Variants in FMN2 observed in about 807,000 individuals in gnomAD.
FMN2 encodes formin 2.
A neutral mutation model predicts 142.3 loss-of-function variants in FMN2; 51 were observed. The observed-to-expected ratio is 0.36, with a 90% CI of 0.29 to 0.45. The LOEUF (loss-of-function observed/expected upper bound fraction) is 0.45. Ranked by LOEUF, FMN2 falls within the 20% of genes least tolerant of loss-of-function variation. FMN2 has a pLI of 1.00. For missense variants in FMN2, 1,936 were observed against 2,122.8 expected, an observed-to-expected ratio of 0.91 and a Z score of 1.73; for synonymous variants, 882 against 869.8, an observed-to-expected ratio of 1.01 and a Z score of -0.25.
chr1:240,163,953 G>A (rs1664380638), intron 2 of FMN2, among the ~76,000 whole-genome samples: 2 of 152,062 alleles, frequency 1.3e-5, no homozygotes, highest in South Asian at 2.1e-4. Context: ...GCTCACTGCA[G>A]CCTTGAACTC....
At chr1:240,255,297 GTTC>G (rs773714632) in intron 6 of FMN2, among the ~76,000 whole-genome samples, 3 of 152,038 alleles carry the variant, frequency 2.0e-5, no homozygotes, top group Non-Finnish European at 4.4e-5. Context: ...CACTATTTCA[GTTC>G]TTGTTTGTGG....
chr1:240,414,396 GGT>G (rs1207104204), intron 15 of FMN2, among the ~76,000 whole-genome samples: 1 of 152,170 alleles, frequency 6.6e-6, no homozygotes, highest in Non-Finnish European at 1.5e-5. Flanking sequence ...TGTGGAGTGC[GGT>G]AGCACAGAGC....
intron 13 of FMN2, among the ~76,000 whole-genome samples, chr1:240,351,047 A>T (rs377652942): frequency 6.6e-6 from 1 of 152,170 alleles, no homozygotes; most frequent in Admixed American, 6.5e-5. Context: ...GTAAATGGAG[A>T]CTGTCTCATA....
intron 14 of FMN2, among the ~76,000 whole-genome samples, chr1:240,384,186 C>G (rs1438250618): frequency 6.6e-6 from 1 of 151,864 alleles, no homozygotes; most frequent in African/African-American, 2.4e-5. Context: ...CAAAAAACTA[C>G]CTATTGAGTA....
At position 240,473,291 on chromosome 1, in the gene FMN2, A is replaced by C. The variant is rs2103251652; in HGVS notation, c.5143-837A>C. Among the ~76,000 whole-genome samples, 1 of 151,846 alleles carries C rather than the reference A, an allele frequency of 6.6e-6. No homozygotes were observed. Among genetic ancestry groups the C allele is most frequent in the East Asian group, 1.9e-4 (1 of 5,136 alleles). ...GCTCATTTAAGTTTCCTGCTTGCCC[A>C]CTCCCCGCTTTAAAACAAAATGCCA... On this transcript the variant is annotated intron_variant, in intron 17 of 17. Coordinates refer to ENST00000319653, the MANE Select transcript of FMN2 (RefSeq NM_020066.5). The surrounding 1 kb of genome is among the most constrained non-coding windows in gnomAD (Gnocchi z 4.3).
intron 2 of FMN2, among the ~76,000 whole-genome samples, chr1:240,168,535 C>T (rs1664573446): frequency 6.6e-6 from 1 of 152,134 alleles, no homozygotes; most frequent in South Asian, 2.1e-4. Flanking sequence ...GCTACAGTGA[C>T]CTGTGATCAC....
chr1:240,243,427 A>G (rs930244618), intron 6 of FMN2, among the ~76,000 whole-genome samples: 9 of 152,194 alleles, frequency 5.9e-5, no homozygotes, highest in South Asian at 2.1e-4. Context: ...TAAATTCCCA[A>G]GGGGCAGGAG....
chr1:240,142,839 A>G, intron 2 of FMN2: 4 of 1,587,344 alleles, frequency 2.5e-6, no homozygotes, highest in East Asian at 4.5e-5. Context: ...CTGGCCCACC[A>G]CATCCACTGC....
chr1:240,330,855 T>G, intron 11 of FMN2, 106 bp downstream of exon 11: 1 of 1,332,514 alleles, frequency 7.5e-7, no homozygotes, highest in Non-Finnish European at 1.0e-6. Context: ...TGTTCCTAGG[T>G]CAAATGCTTC....
intron 1 of FMN2, among the ~76,000 whole-genome samples, chr1:240,098,246 C>A (rs550920861): frequency 6.6e-6 from 1 of 151,708 alleles, no homozygotes; most frequent in African/African-American, 2.4e-5. Context: ...GGATTATAGG[C>A]GCCCATGACC....
intron 6 of FMN2, chr1:240,245,194 C>CA (rs1263320744): frequency 7.4e-6 from 2 of 269,144 alleles, no homozygotes; most frequent in Non-Finnish European, 1.5e-5. Flanking sequence ...ACTGAATAGT[C>CA]AGAGTTTGTC....
intron 16 of FMN2, among the ~76,000 whole-genome samples, chr1:240,468,833 G>A (rs568323815): frequency 6.6e-5 from 10 of 152,234 alleles, no homozygotes; most frequent in Non-Finnish European, 1.3e-4. Context: ...TAGGAAGATC[G>A]AATGTTGGCA....
intron 8 of FMN2, among the ~76,000 whole-genome samples, chr1:240,296,353 T>G (rs1157887361): frequency 2.0e-5 from 3 of 150,132 alleles, no homozygotes; most frequent in Non-Finnish European, 4.4e-5. Flanking sequence ...CAAGTAGTAA[T>G]AAAGCAGGTT....
At position 240,092,869 on chromosome 1, in the gene FMN2, C is replaced by T. The variant is rs763166094; in HGVS notation, c.760C>T (p.Leu254=). The change falls in exon 1 of 18, where the codon CTG becomes TTG. Residue 254 remains leucine (L), a synonymous_variant. Transcript: ENST00000319653. ...CTTCCTGGGCCTGGACCGGTTCCTGCTGGGGCCGAGCGGCGGGGCTGGGGA... is the reference window on the plus strand; with the variant it reads ...CTTCCTGGGCCTGGACCGGTTCCTGTTGGGGCCGAGCGGCGGGGCTGGGGA... ...GAFLGLDRFL[L]GPSGGAGEAP... The T allele has an allele frequency of 7.2e-6, 11 of 1,534,882 alleles. No individual in the cohort carries two copies. Among genetic ancestry groups the T allele is most frequent in the Non-Finnish European group, 9.6e-6 (11 of 1,145,080 alleles).
At chr1:240,359,377 T>C (rs1366773232) in intron 14 of FMN2, among the ~76,000 whole-genome samples, 2 of 152,198 alleles carry the variant, frequency 1.3e-5, no homozygotes, top group African/African-American at 4.8e-5. Context: ...GCAAGGTCTT[T>C]TTTAATGTGC....
chr1:240,427,885 G>GTGT lies in FMN2; in HGVS notation c.4911-10176_4911-10175insTGT, dbSNP rs1242843417. 5.4e-4 allele frequency among the ~76,000 whole-genome samples: 82 copies of GTGT among 152,322 alleles called. 1 individual carries two copies. The South Asian group carries it at 0.015, about 28-fold the overall frequency. ...GTTGTCCATTTTTGTGATGTCACCAGCCTTTGGGAATCAGTGTCTATATGT... is the reference window on the plus strand; with the variant it reads ...GTTGTCCATTTTTGTGATGTCACCAGTGTCCTTTGGGAATCAGTGTCTATATGT... On this transcript the variant is annotated intron_variant, in intron 15 of 17. Coordinates refer to ENST00000319653, the MANE Select transcript of FMN2 (RefSeq NM_020066.5).
intron 2 of FMN2, among the ~76,000 whole-genome samples, chr1:240,141,919 T>C (rs1663201767): frequency 6.6e-6 from 1 of 152,140 alleles, no homozygotes; most frequent in South Asian, 2.1e-4. Flanking sequence ...GGGAACCAGA[T>C]GCTCAAAGCC....
intron 7 of FMN2, among the ~76,000 whole-genome samples, chr1:240,275,073 T>C (rs1295997688): frequency 1.8e-5 from 2 of 112,672 alleles, no homozygotes; most frequent in Admixed American, 1.0e-4. Context: ...GGTGTTCTTT[T>C]TTTTAAGTTT....
At chr1:240,372,594 T>C (rs1672906565) in intron 14 of FMN2, among the ~76,000 whole-genome samples, 1 of 150,886 alleles carries the variant, frequency 6.6e-6, no homozygotes, top group Non-Finnish European at 1.5e-5. Flanking sequence ...ATTTATTGTA[T>C]GTTAAAGGAA....
Sources: allele counts gnomAD v4.1 joint callset (sites outside exome capture counted in the v4.1 genomes callset), GRCh38; gene constraint gnomAD v4.1.1; non-coding constraint Gnocchi (gnomAD v3.1); transcripts MANE v1.5; gene names NCBI Gene and HGNC (gene_info 2026-07-23, HGNC 2026-07-21).